The following GCNT2 variants were observed in gnomAD, a reference collection of about 807,000 sequenced individuals.
GCNT2 encodes glucosaminyl (N-acetyl) transferase 2 (I blood group).
GCNT2 carries 34 observed loss-of-function variants against 34.2 expected under a neutral mutation model. That is an observed-to-expected ratio of 1.00 (90% CI 0.76 to 1.32). The LOEUF is 1.32. GCNT2 is among the 40% of genes most tolerant of loss of function. The pLI, the probability that GCNT2 is intolerant of heterozygous loss-of-function variation, is 0.00. For missense variants in GCNT2, 584 were observed against 489.4 expected (o/e 1.19, Z -1.82); for synonymous variants, 212 against 188.0 (o/e 1.13, Z -1.04).
At chr6:10,565,143 A>G (rs978167637) in intron 3 of GCNT2, among the ~76,000 whole-genome samples, 1 of 152,240 alleles carries the variant, frequency 6.6e-6, no homozygotes, top group Non-Finnish European at 1.5e-5. Flanking sequence ...CTGCAGAGCC[A>G]GAAAAGCAGC....
At chr6:10,523,013 T>C (rs1760993191) in intron 1 of GCNT2, among the ~76,000 whole-genome samples, 1 of 152,258 alleles carries the variant, frequency 6.6e-6, no homozygotes, top group Non-Finnish European at 1.5e-5. Context: ...TCTTTTCATG[T>C]GCAAACGCAG....
chr6:10,615,329 T>C (rs929977796), intron 3 of GCNT2, among the ~76,000 whole-genome samples: 1 of 152,124 alleles, frequency 6.6e-6, no homozygotes, highest in Non-Finnish European at 1.5e-5. Flanking sequence ...TCAATTTCTT[T>C]TTTGAGACAG....
intron 3 of GCNT2, among the ~76,000 whole-genome samples, chr6:10,576,355 C>T (rs1763810704): frequency 6.6e-6 from 1 of 152,176 alleles, no homozygotes. Flanking sequence ...GAATGGCCCA[C>T]AGCTTTAAAT....
At chr6:10,601,839 G>A (rs1765097007) in intron 3 of GCNT2, among the ~76,000 whole-genome samples, 1 of 151,780 alleles carries the variant, frequency 6.6e-6, no homozygotes, top group African/African-American at 2.4e-5. Flanking sequence ...TACTCAGGAG[G>A]CTGAGGCAGG....
chr6:10,524,244 T>C (rs1308195194), intron 1 of GCNT2, among the ~76,000 whole-genome samples: 2 of 150,300 alleles, frequency 1.3e-5, no homozygotes, highest in Non-Finnish European at 3.0e-5. Context: ...TGACACATAA[T>C]CCAGGGCTTT....
Position 10,569,274 on chromosome 6 carries a change from C to CACACACACACACACACACACACACACA in GCNT2, c.925+39438_925+39439insACACACACACACACACACACACACACA, listed in dbSNP as rs1491123758. On this transcript the variant is annotated intron_variant, in intron 3 of 4. Transcript: ENST00000495262. ...ACACACACACACACACACACACACACCCCCTAGGTAATTTTGCCAAATCCT... is the reference window on the plus strand; with the variant it reads ...ACACACACACACACACACACACACACACACACACACACACACACACACACACACCCCTAGGTAATTTTGCCAAATCCT... Among the ~76,000 whole-genome samples the CACACACACACACACACACACACACACA allele has an allele frequency of 9.9e-4, 136 of 137,126 alleles. 1 individual carries two copies. The highest frequency in any genetic ancestry group is 1.7e-3 in the South Asian group (7 of 4,226). 90.0% of individuals were successfully genotyped at this position (137,126 alleles called of 152,430 possible). A position where few individuals can be genotyped will look rare whatever the true frequency, so the allele number is the denominator to read the frequency against.
intron 3 of GCNT2, among the ~76,000 whole-genome samples, chr6:10,614,199 C>T (rs1765670751): frequency 6.6e-6 from 1 of 152,104 alleles, no homozygotes; most frequent in Admixed American, 6.5e-5. Context: ...TGAGCTGTCA[C>T]CAGAAGTCTT....
At chr6:10,540,336 A>G (rs921728518) in intron 3 of GCNT2, among the ~76,000 whole-genome samples, 3 of 152,076 alleles carry the variant, frequency 2.0e-5, no homozygotes, top group Non-Finnish European at 4.4e-5. Flanking sequence ...CAACCTGTTC[A>G]TGCTGTCTTT....
At chr6:10,542,853 G>C (rs1400635179) in intron 3 of GCNT2, among the ~76,000 whole-genome samples, 1 of 149,020 alleles carries the variant, frequency 6.7e-6, no homozygotes. Context: ...TTTCTCCTGG[G>C]TAGATACCAA....
chr6:10,606,661 T>C (rs1765327791), intron 3 of GCNT2, among the ~76,000 whole-genome samples: 1 of 140,568 alleles, frequency 7.1e-6, no homozygotes, highest in Non-Finnish European at 1.6e-5. Context: ...GAAATTTCCA[T>C]TAAAGAAATT....
In GCNT2 at chr6:10,566,442, T is replaced by G. The variant is rs548059627; in HGVS notation, c.925+36606T>G. On this transcript the variant is annotated intron_variant, in intron 3 of 4. Coordinates refer to ENST00000495262, the MANE Select transcript of GCNT2 (RefSeq NM_145649.5). Reference sequence around the variant, plus strand: ...CCTCCCGAGTAGTTGGGACTTTAGGTGCCACCATGCCCAGCTAATTTTTAA... The same window carrying G: ...CCTCCCGAGTAGTTGGGACTTTAGGGGCCACCATGCCCAGCTAATTTTTAA... 3.3e-5 allele frequency among the ~76,000 whole-genome samples: 5 copies of G among 152,214 alleles called. No individual in the cohort carries two copies. In the East Asian group the frequency reaches 9.7e-4, roughly 29 times the overall value.
At chr6:10,556,411 CCTT>C in intron 3 of GCNT2, 3 of 1,613,528 alleles carry the variant, frequency 1.9e-6, no homozygotes, top group East Asian at 2.2e-5. Context: ...GACATTTCAC[CCTT>C]CTTTGAGGCA....
chr6:10,532,676 C>T (rs1000769316), intron 3 of GCNT2, among the ~76,000 whole-genome samples: 2 of 152,146 alleles, frequency 1.3e-5, no homozygotes, highest in Non-Finnish European at 2.9e-5. Flanking sequence ...GCTGTGTTGC[C>T]AGTGCTGGTC....
chr6:10,582,010 G>GTATA (rs202136310), intron 3 of GCNT2: 3 of 204,520 alleles, frequency 1.5e-5, no homozygotes, highest in African/African-American at 4.9e-5. Flanking sequence ...ATATTTATGT[G>GTATA]TATATATGTA....
In GCNT2 at chr6:10,627,940, C is replaced by A. The variant is rs1766338788; in HGVS notation, c.*1333C>A. The A allele has an allele frequency of 6.6e-6, 1 of 152,598 alleles. No individual in the cohort carries two copies. The highest frequency in any genetic ancestry group is 6.5e-5 in the Admixed American group (1 of 15,280). 9.5% of individuals were successfully genotyped at this position (152,598 alleles called of 1,614,324 possible). A position where few individuals can be genotyped will look rare whatever the true frequency, so the allele number is the denominator to read the frequency against. The stretch of plus-strand genomic sequence containing the variant: ...GCCATTCTGGTATTCCTTTATGTAT[C>A]TAATTTCATTCAAACCTCACAACAG... On this transcript the variant is annotated 3_prime_UTR_variant, in exon 5 of 5. Coordinates refer to ENST00000495262, the MANE Select transcript of GCNT2 (RefSeq NM_145649.5).
chr6:10,623,950 T>A (rs1285216034), intron 4 of GCNT2, among the ~76,000 whole-genome samples: 1 of 152,186 alleles, frequency 6.6e-6, no homozygotes, highest in Non-Finnish European at 1.5e-5. Context: ...CTTTTGCCAT[T>A]TTGACCCTAC....
chr6:10,538,437 A>AAAAAAAAAAAT (rs1554127249), intron 3 of GCNT2, among the ~76,000 whole-genome samples: 1 of 73,346 alleles, frequency 1.4e-5, no homozygotes, highest in Non-Finnish European at 2.2e-5. Flanking sequence ...AAAAAAAAAA[A>AAAAAAAAAAAT]ATATATATAT....
At chr6:10,550,718 A>G (rs2113634629) in intron 3 of GCNT2, among the ~76,000 whole-genome samples, 1 of 152,060 alleles carries the variant, frequency 6.6e-6, no homozygotes, top group East Asian at 2.0e-4. Context: ...CCTGGGCTCA[A>G]GTAATCCTCT....
At chr6:10,584,106 G>C (rs1285103666) in intron 3 of GCNT2, among the ~76,000 whole-genome samples, 1 of 152,112 alleles carries the variant, frequency 6.6e-6, no homozygotes, top group Admixed American at 6.5e-5. Context: ...CTGAGTCTCT[G>C]AGTTCTCTCA....
Sources: allele counts gnomAD v4.1 joint callset (sites outside exome capture counted in the v4.1 genomes callset), GRCh38; gene constraint gnomAD v4.1.1; transcripts MANE v1.5; gene names NCBI Gene and HGNC (gene_info 2026-07-23, HGNC 2026-07-21).